TLL2: variants seen among roughly 807,000 people sequenced by gnomAD.
TLL2 encodes tolloid like 2.
TLL2 carries 106 observed loss-of-function variants against 123.0 expected under a neutral mutation model. The ratio of observed to expected loss-of-function variants is 0.86; its 90% confidence interval spans 0.74 to 1.01. The LOEUF is 1.01. Among genes scored for constraint, TLL2 ranks in the 50% least tolerant of loss-of-function variants. TLL2 has a pLI of 0.00. For missense variants in TLL2, 1,332 were observed against 1,336.7 expected (o/e 1.00, Z 0.06); for synonymous variants, 494 against 516.8 (o/e 0.96, Z 0.60).
chr10:96,426,652 C>T (rs1268919194), intron 5 of TLL2, among the ~76,000 whole-genome samples: 1 of 152,180 alleles, frequency 6.6e-6, no homozygotes, highest in East Asian at 1.9e-4. Flanking sequence ...CATTTTCACA[C>T]TTCTTGCCCT....
intron 3 of TLL2, among the ~76,000 whole-genome samples, chr10:96,433,913 T>A (rs897810824): frequency 6.6e-6 from 1 of 152,076 alleles, no homozygotes; most frequent in African/African-American, 2.4e-5. Flanking sequence ...GTAGTTGGTA[T>A]AACAGGCGGA....
intron 4 of TLL2, among the ~76,000 whole-genome samples, chr10:96,431,654 T>C (rs1020173801): frequency 2.6e-4 from 39 of 151,952 alleles, no homozygotes; most frequent in African/African-American, 9.2e-4. Context: ...GAAGCAGAAA[T>C]GAGACAGAAA....
intron 2 of TLL2, among the ~76,000 whole-genome samples, chr10:96,478,731 C>T (rs545405194): frequency 1.3e-5 from 2 of 152,240 alleles, no homozygotes; most frequent in South Asian, 2.1e-4. Context: ...ACAGACTGTA[C>T]GACTCCATGC....
At chr10:96,490,222 G>A (rs1342880505) in intron 1 of TLL2, among the ~76,000 whole-genome samples, 2 of 152,194 alleles carry the variant, frequency 1.3e-5, no homozygotes, top group South Asian at 2.1e-4. Flanking sequence ...AGTGACTGAC[G>A]AGACATGTTT....
intron 13 of TLL2, among the ~76,000 whole-genome samples, chr10:96,388,554 G>A (rs1472169086): frequency 6.6e-6 from 1 of 152,200 alleles, no homozygotes; most frequent in Non-Finnish European, 1.5e-5. Flanking sequence ...GTTCTGGAGA[G>A]ATGGCTCTTC....
Position 96,386,098 on chromosome 10 carries a change from C to A in TLL2, c.1970G>T (p.Arg657Leu), listed in dbSNP as rs374900761. The A allele has an allele frequency of 1.2e-6, 2 of 1,611,086 alleles. No individual in the cohort carries two copies. The highest frequency in any genetic ancestry group is 1.1e-5 in the South Asian group (1 of 90,590). ...AAACACTTCAAACTGAAGGGAGATC[C>A]GGTACTGAGCGGGGGCCACCACCTG... ...VWQVVAPAQY[R>L]ISLQFEVFEL... The change falls in exon 15 of 21, where the codon CGG (arginine) becomes CTG (leucine). Residue 657 changes from arginine (R) to leucine (L), a missense_variant. Coordinates refer to ENST00000357947, the MANE Select transcript of TLL2 (RefSeq NM_012465.4).
chr10:96,505,308 C>T (rs1488645946), intron 1 of TLL2, among the ~76,000 whole-genome samples: 2 of 152,200 alleles, frequency 1.3e-5, no homozygotes, highest in Non-Finnish European at 2.9e-5. Flanking sequence ...ATCCAATCAC[C>T]TCCCACCAGG....
At chr10:96,460,803 C>G (rs1490999556) in intron 2 of TLL2, among the ~76,000 whole-genome samples, 2 of 152,182 alleles carry the variant, frequency 1.3e-5, no homozygotes, top group Non-Finnish European at 2.9e-5. Flanking sequence ...TGAGAACAGA[C>G]TAATACAATG....
At position 96,397,259 on chromosome 10, in the gene TLL2, C is replaced by A; in HGVS notation, c.1311G>T (p.Thr437=). The part of the protein sequence containing the change: ...GDKIPEPLVS[T]DSRLWVEFRS... ...GGAACTCCACCCAGAGCCGGCTGTC[C>A]GTGGAGACGAGGGGCTCCGGGATCT... is the stretch of plus-strand genomic sequence containing the variant. The change falls in exon 11 of 21, where the codon ACG becomes ACT. Residue 437 remains threonine, a synonymous_variant. Transcript: ENST00000357947. The A allele has an allele frequency of 1.9e-6, 3 of 1,613,762 alleles. No individual in the cohort carries two copies. Among genetic ancestry groups the A allele is most frequent in the Non-Finnish European group, 2.5e-6 (3 of 1,179,792 alleles).
At chr10:96,484,059 G>A (rs1405109886) in intron 1 of TLL2, among the ~76,000 whole-genome samples, 1 of 152,154 alleles carries the variant, frequency 6.6e-6, no homozygotes, top group Non-Finnish European at 1.5e-5. Flanking sequence ...GGCCAGGCTG[G>A]TCTGTAACTC....
At chr10:96,423,447 C>G (rs993407159) in intron 5 of TLL2, among the ~76,000 whole-genome samples, 1 of 152,026 alleles carries the variant, frequency 6.6e-6, no homozygotes, top group Non-Finnish European at 1.5e-5. Context: ...ATCAGAGGAG[C>G]CTTAGAGATG....
rs375233812 is a variant in TLL2 at position 96,390,222 on chromosome 10, G to A, written c.1727-3144C>T. Among the ~76,000 whole-genome samples, 19 of 152,374 alleles carry A rather than the reference G, an allele frequency of 1.2e-4. No individual in the cohort carries two copies. The South Asian group carries it at 2.3e-3, about 18-fold the overall frequency. On this transcript the variant is annotated intron_variant, in intron 13 of 20. Transcript: ENST00000357947. ...GGCAGGATCCCAAAAATTGTTCAGAGAAAGTTAAGGAAAGGGAAGGCAGGG... is the reference window on the plus strand; with the variant it reads ...GGCAGGATCCCAAAAATTGTTCAGAAAAAGTTAAGGAAAGGGAAGGCAGGG...
At chr10:96,448,023 A>G (rs1162090162) in intron 2 of TLL2, among the ~76,000 whole-genome samples, 3 of 152,116 alleles carry the variant, frequency 2.0e-5, no homozygotes, top group African/African-American at 4.8e-5. Flanking sequence ...GGAGACAGCC[A>G]CGTGGTCCCG....
intron 13 of TLL2, among the ~76,000 whole-genome samples, chr10:96,387,387 C>T (rs904897406): frequency 6.6e-6 from 1 of 152,200 alleles, no homozygotes; most frequent in Admixed American, 6.5e-5. Context: ...TTCAAAAAAT[C>T]TCAAAACATT....
intron 16 of TLL2, among the ~76,000 whole-genome samples, chr10:96,383,411 T>C (rs1451064819): frequency 1.3e-5 from 2 of 152,112 alleles, no homozygotes; most frequent in African/African-American, 2.4e-5. Context: ...AATTGAATCA[T>C]GGAGGCGGTT....
rs201335930 is a variant in TLL2, at chr10:96,420,938, A to G, written c.923+18T>C. 2 of 1,611,254 alleles carry G rather than the reference A, an allele frequency of 1.2e-6. No individual in the cohort carries two copies. The highest frequency in any genetic ancestry group is 4.5e-5 in the East Asian group (2 of 44,864). ...AGGCACAGTAAAACACAGACGAGGC[A>G]TAAGCATAGATTCCGACCTTGAGAA... is the stretch of plus-strand genomic sequence containing the variant. On this transcript the variant is annotated intron_variant, in intron 7 of 20. Coordinates refer to ENST00000357947, the MANE Select transcript of TLL2 (RefSeq NM_012465.4).
chr10:96,384,722 C>CG lies in TLL2; in HGVS notation c.2058dup (p.Asp687ArgfsTer12), dbSNP rs751509792. The CG allele has an allele frequency of 6.2e-7, 1 of 1,610,538 alleles. No individual in the cohort carries two copies. Among genetic ancestry groups the CG allele is most frequent in the South Asian group, 1.1e-5 (1 of 90,560 alleles). ...CAGAACCTGCCGTGCAGCTTGGCGT[C>CG]GGGGGACAGGCCGCTGCGCACCTCT... On this transcript the variant is annotated frameshift_variant, in exon 16 of 21. Transcript: ENST00000357947. LOFTEE classifies it high-confidence loss of function.
intron 2 of TLL2, among the ~76,000 whole-genome samples, chr10:96,474,216 A>C (rs536812215): frequency 1.3e-5 from 2 of 152,194 alleles, no homozygotes; most frequent in South Asian, 2.1e-4. Flanking sequence ...CCTTGCCCCC[A>C]CACACATCCA....
chr10:96,438,207 T>C (rs965592692), intron 3 of TLL2, among the ~76,000 whole-genome samples: 1 of 152,250 alleles, frequency 6.6e-6, no homozygotes, highest in Non-Finnish European at 1.5e-5. Flanking sequence ...GGAGAGAACT[T>C]GGCACCTCTA....
Sources: gnomAD v4.1 joint callset for allele counts (sites outside exome capture counted in the v4.1 genomes callset) on GRCh38, gnomAD v4.1.1 for gene constraint, MANE v1.5 for transcripts, NCBI Gene and HGNC (gene_info 2026-07-23, HGNC 2026-07-21) for gene names.